The following MAGI2 variants were observed in gnomAD, a reference collection of about 807,000 sequenced individuals.
MAGI2 encodes the protein membrane associated guanylate kinase, WW and PDZ domain containing 2, also known as membrane-associated guanylate kinase, WW and PDZ domain-containing protein 2.
In MAGI2, 35 loss-of-function variants were observed where a neutral mutation model predicts 133.3. That is an observed-to-expected ratio of 0.26 (90% CI 0.20 to 0.35). The LOEUF (loss-of-function observed/expected upper bound fraction) is 0.35, where lower values mean the gene tolerates loss of function less well. Ranked by LOEUF, MAGI2 falls within the 10% of genes least tolerant of loss-of-function variation. MAGI2 has a pLI of 1.00. For missense variants in MAGI2, 1,636 were observed against 1,863.4 expected (o/e 0.88, Z 2.25); for synonymous variants, 729 against 710.6 (o/e 1.03, Z -0.41).
At chr7:78,359,733 G>C (rs897769930) in intron 7 of MAGI2, among the ~76,000 whole-genome samples, 47 of 152,142 alleles carry the variant, frequency 3.1e-4, no homozygotes, top group African/African-American at 1.1e-3. Context: ...GAAAGAAAAT[G>C]CTTTAAAAAT....
chr7:78,741,780 G>A (rs1188706137), intron 2 of MAGI2, among the ~76,000 whole-genome samples: 1 of 151,978 alleles, frequency 6.6e-6, no homozygotes, highest in Non-Finnish European at 1.5e-5. Flanking sequence ...AATAATGCAA[G>A]TAAAGCAAAA....
chr7:78,759,008 C>T (rs1244376874), intron 2 of MAGI2, among the ~76,000 whole-genome samples: 1 of 152,084 alleles, frequency 6.6e-6, no homozygotes, highest in Admixed American at 6.6e-5. Flanking sequence ...AGCATCGAAC[C>T]AAAATCTGGC....
At chr7:78,798,174 T>C (rs1205453098) in intron 2 of MAGI2, among the ~76,000 whole-genome samples, 1 of 152,172 alleles carries the variant, frequency 6.6e-6, no homozygotes, top group Non-Finnish European at 1.5e-5. Flanking sequence ...CAGGCTGCAT[T>C]CTGGATTGGC....
intron 6 of MAGI2, among the ~76,000 whole-genome samples, chr7:78,419,621 T>C (rs965637514): frequency 8.0e-6 from 1 of 124,502 alleles, no homozygotes; most frequent in Non-Finnish European, 1.7e-5. Context: ...TTTTTTTTTT[T>C]AAGGGAAAGG....
At chr7:78,046,514 T>C (rs1811452330) in intron 21 of MAGI2, among the ~76,000 whole-genome samples, 1 of 152,174 alleles carries the variant, frequency 6.6e-6, no homozygotes, top group African/African-American at 2.4e-5. Flanking sequence ...ACCTTCAACA[T>C]GGCTTCTGCA....
chr7:79,420,302 G>A (rs1325517846), intron 1 of MAGI2, among the ~76,000 whole-genome samples: 1 of 151,960 alleles, frequency 6.6e-6, no homozygotes, highest in Non-Finnish European at 1.5e-5. Context: ...AAAACTAGAT[G>A]GATATTGCTG....
intron 1 of MAGI2, among the ~76,000 whole-genome samples, chr7:79,261,695 A>G (rs1449661189): frequency 6.6e-6 from 1 of 152,182 alleles, no homozygotes; most frequent in Non-Finnish European, 1.5e-5. Flanking sequence ...TATTGGGTCA[A>G]TGAAACAAAG....
At chr7:78,268,314 T>C (rs1794216880) in intron 9 of MAGI2, among the ~76,000 whole-genome samples, 1 of 152,186 alleles carries the variant, frequency 6.6e-6, no homozygotes. Flanking sequence ...ATTTTTGGTA[T>C]AGGTAATGCA....
In MAGI2 at chr7:78,282,630, A is replaced by C. The variant is rs798334; in HGVS notation, c.1409-26049T>G. On this transcript the variant is annotated intron_variant, in intron 9 of 21. Transcript: ENST00000354212. ...ACTTTCTGAATATGTAATTTTCTGC[A>C]TACAATTCCTAATCCAACTTTGTAC... 1.8e-4 allele frequency among the ~76,000 whole-genome samples: 28 copies of C among 152,096 alleles called. No individual in the cohort carries two copies. In the East Asian group the frequency reaches 3.9e-3, roughly 21 times the overall value.
chr7:79,302,884 T>C (rs1282886313), intron 1 of MAGI2, among the ~76,000 whole-genome samples: 2 of 152,172 alleles, frequency 1.3e-5, no homozygotes, highest in African/African-American at 2.4e-5. Flanking sequence ...CCTGACAAAA[T>C]AGCTTTATCT....
intron 16 of MAGI2, among the ~76,000 whole-genome samples, chr7:78,135,650 A>G (rs1369472976): frequency 6.6e-6 from 1 of 152,198 alleles, no homozygotes; most frequent in East Asian, 1.9e-4. Flanking sequence ...ACAATAATCA[A>G]TAATTTAAGA....
intron 1 of MAGI2, among the ~76,000 whole-genome samples, chr7:79,419,526 A>T (rs1195873218): frequency 6.6e-6 from 1 of 152,016 alleles, no homozygotes; most frequent in East Asian, 1.9e-4. Context: ...TTTAGCTTTG[A>T]ATCTTCCAAA....
intron 9 of MAGI2, among the ~76,000 whole-genome samples, chr7:78,339,139 T>C (rs890694119): frequency 6.6e-6 from 1 of 152,250 alleles, no homozygotes; most frequent in Non-Finnish European, 1.5e-5. Flanking sequence ...TGTGAACTCC[T>C]TGAGAAACAG....
At chr7:78,164,747 C>T (rs1404395) in intron 15 of MAGI2, among the ~76,000 whole-genome samples, 15,000 of 152,278 alleles carry the variant, frequency 0.099, 801 homozygotes, top group East Asian at 0.17. Flanking sequence ...CTGACTCTAA[C>T]ATGTTTTTAT....
intron 1 of MAGI2, among the ~76,000 whole-genome samples, chr7:79,201,592 A>G (rs1016613608): frequency 6.6e-6 from 1 of 151,924 alleles, no homozygotes; most frequent in Non-Finnish European, 1.5e-5. Flanking sequence ...AGTGCTAGCT[A>G]ACATATTTAA....
intron 1 of MAGI2, among the ~76,000 whole-genome samples, chr7:79,182,649 A>G (rs1826722106): frequency 6.6e-6 from 1 of 152,006 alleles, no homozygotes; most frequent in South Asian, 2.1e-4. Flanking sequence ...AACTAAAAAT[A>G]GAAGTACCAT....
intron 6 of MAGI2, among the ~76,000 whole-genome samples, chr7:78,461,725 A>G (rs1790040012): frequency 6.6e-6 from 1 of 151,754 alleles, no homozygotes; most frequent in Non-Finnish European, 1.5e-5. Flanking sequence ...CAGCCTGACC[A>G]ACATGGAGAA....
At chr7:78,369,083 G>T (rs575402472) in intron 7 of MAGI2, 73 bp downstream of exon 7, 4 of 1,104,834 alleles carry the variant, frequency 3.6e-6, no homozygotes, top group Non-Finnish European at 4.0e-6. Context: ...AGCCACACAT[G>T]CTCAATAAAT....
chr7:78,578,442 A>C (rs1198680378), intron 3 of MAGI2, among the ~76,000 whole-genome samples: 1 of 152,142 alleles, frequency 6.6e-6, no homozygotes, highest in Non-Finnish European at 1.5e-5. Context: ...ATAAAGAGAT[A>C]AAACATAGAA....
Sources: gnomAD v4.1 joint callset for allele counts (sites outside exome capture counted in the v4.1 genomes callset) on GRCh38, gnomAD v4.1.1 for gene constraint, MANE v1.5 for transcripts, NCBI Gene and HGNC (gene_info 2026-07-23, HGNC 2026-07-21) for gene names.